The following SLC9B1 variants were observed in gnomAD, a reference collection of about 807,000 sequenced individuals.
SLC9B1 encodes the protein solute carrier family 9 member B1, also known as sodium/hydrogen exchanger 9B1.
Under a neutral mutation model 51.7 loss-of-function variants are expected in SLC9B1, and 32 were observed. That is an observed-to-expected ratio of 0.62 (90% confidence interval 0.47 to 0.83). The LOEUF is 0.83. Ranked by LOEUF, SLC9B1 falls within the 40% of genes least tolerant of loss-of-function variation. SLC9B1 has a pLI of 0.00. For synonymous variants in SLC9B1, 145 were observed against 212.7 expected (o/e 0.68, Z 2.77); for missense variants, 406 against 613.2 (o/e 0.66, Z 3.57).
intron 7 of SLC9B1, chr4:102,912,106 C>G (rs1354278139): frequency 5.9e-6 from 1 of 169,004 alleles, no homozygotes; most frequent in Admixed American, 6.4e-5. Context: ...ACACTCCAGC[C>G]TGGGTGAAAG....
At chr4:102,885,310 G>A in exon 12 of SLC9B1, 1 of 1,614,104 alleles carries the variant, frequency 6.2e-7, no homozygotes, top group Non-Finnish European at 8.5e-7. Flanking sequence ...AGAAACAACA[G>A]AAGGATAGCT....
At chr4:102,944,002 G>A (rs779433144) in intron 6 of SLC9B1, among the ~76,000 whole-genome samples, 8 of 152,086 alleles carry the variant, frequency 5.3e-5, no homozygotes, top group South Asian at 2.1e-4. Context: ...ATCAGACTGC[G>A]GACCAAGAAA....
At chr4:102,992,591 A>G (rs72937474) in intron 1 of SLC9B1, among the ~76,000 whole-genome samples, 1,695 of 152,334 alleles carry the variant, frequency 0.011, 22 homozygotes, top group African/African-American at 0.037. Context: ...GAAGTAAAAT[A>G]TTACTGCATA....
chr4:102,901,351 A>T lies in SLC9B1; in HGVS notation c.1333-19T>A, dbSNP rs1042721776. On this transcript the variant is annotated intron_variant, in intron 11 of 11. Coordinates refer to ENST00000296422, the MANE Select transcript of SLC9B1 (RefSeq NM_139173.4). ...ACACAGCCTGCATTTAGGGGTAAAA[A>T]TGGGGCATAAAGAAAAATATTAAAC... is the stretch of plus-strand genomic sequence containing the variant. 7 of 1,610,856 alleles carry T rather than the reference A, an allele frequency of 4.3e-6. No individual in the cohort carries two copies. Among genetic ancestry groups the T allele is most frequent in the Non-Finnish European group, 5.1e-6 (6 of 1,179,234 alleles).
At chr4:102,960,649 G>GT (rs1395845276) in intron 3 of SLC9B1, among the ~76,000 whole-genome samples, 1 of 151,906 alleles carries the variant, frequency 6.6e-6, no homozygotes, top group African/African-American at 2.4e-5. Flanking sequence ...CTATTGAGTG[G>GT]TAAGATATGA....
intron 1 of SLC9B1, among the ~76,000 whole-genome samples, chr4:103,013,503 A>C (rs1741180639): frequency 6.6e-6 from 1 of 152,118 alleles, no homozygotes; most frequent in South Asian, 2.1e-4. Context: ...CTCTATATAC[A>C]TTTCTCAACA....
At chr4:102,990,335 A>G (rs1425398569) in intron 2 of SLC9B1, among the ~76,000 whole-genome samples, 14 of 152,106 alleles carry the variant, frequency 9.2e-5, no homozygotes, top group Non-Finnish European at 1.8e-4. Flanking sequence ...ACTTGGATTC[A>G]TCTCATTTGA....
intron 3 of SLC9B1, among the ~76,000 whole-genome samples, chr4:102,976,522 C>G (rs1336039421): frequency 6.6e-6 from 1 of 152,094 alleles, no homozygotes; most frequent in African/African-American, 2.4e-5. Flanking sequence ...CTAATACCTG[C>G]TTTGAAGGAA....
At chr4:102,941,070 C>T (rs1444903680) in intron 6 of SLC9B1, among the ~76,000 whole-genome samples, 2 of 152,046 alleles carry the variant, frequency 1.3e-5, no homozygotes, top group Non-Finnish European at 2.9e-5. Context: ...CCATTCTGGA[C>T]ATATCCTAGG....
At chr4:103,014,476 T>C (rs1741222566) in intron 1 of SLC9B1, among the ~76,000 whole-genome samples, 1 of 152,232 alleles carries the variant, frequency 6.6e-6, no homozygotes, top group South Asian at 2.1e-4. Context: ...CTCCTCTGTA[T>C]ACAGAATGTG....
At chr4:102,921,189 C>G (rs1735856429) in intron 7 of SLC9B1, among the ~76,000 whole-genome samples, 1 of 152,148 alleles carries the variant, frequency 6.6e-6, no homozygotes, top group South Asian at 2.1e-4. Context: ...GAAAGGGAAG[C>G]CCATCAGACT....
At chr4:102,979,965 C>T (rs905620018) in intron 3 of SLC9B1, among the ~76,000 whole-genome samples, 11 of 152,072 alleles carry the variant, frequency 7.2e-5, no homozygotes, top group African/African-American at 1.7e-4. Context: ...CGAAAGAAGA[C>T]ATTTATGCAG....
At chr4:102,895,893 T>C (rs995322435) in intron 11 of SLC9B1, among the ~76,000 whole-genome samples, 40 of 152,332 alleles carry the variant, frequency 2.6e-4, no homozygotes, top group African/African-American at 8.4e-4. Flanking sequence ...CCTCTGTGTA[T>C]TGGTGCCTAG....
chr4:102,977,689 T>C (rs1371529692), intron 3 of SLC9B1, among the ~76,000 whole-genome samples: 1 of 152,240 alleles, frequency 6.6e-6, no homozygotes, highest in Non-Finnish European at 1.5e-5. Context: ...ATAATTCTTT[T>C]CAATGTGCCA....
chr4:102,986,610 T>A (rs552090499), intron 3 of SLC9B1, among the ~76,000 whole-genome samples: 1 of 152,232 alleles, frequency 6.6e-6, no homozygotes, highest in South Asian at 2.1e-4. Flanking sequence ...ATTTCATGTA[T>A]GTTACACCTT....
intron 3 of SLC9B1, among the ~76,000 whole-genome samples, chr4:102,955,812 C>A (rs1473236515): frequency 7.7e-6 from 1 of 130,120 alleles, no homozygotes; most frequent in Non-Finnish European, 1.7e-5. Context: ...GAGAGAGAAA[C>A]AACAAACAAA....
At chr4:102,936,513 A>C (rs1560938109) in intron 6 of SLC9B1, among the ~76,000 whole-genome samples, 1 of 152,270 alleles carries the variant, frequency 6.6e-6, no homozygotes, top group Admixed American at 6.5e-5. Context: ...GAATCCAATA[A>C]GATGACATAA....
rs557951667 is a variant in SLC9B1 at position 102,960,801 on chromosome 4, C to T, written c.212-11374G>A. ...AGGCTGGAGTGCAATGGCATGATCT[C>T]GGCTCACCACAACCTCCGCCTCCCG... On this transcript the variant is annotated intron_variant, in intron 3 of 11. Transcript: ENST00000296422. Among the ~76,000 whole-genome samples, 152 of 150,166 alleles carry T rather than the reference C, an allele frequency of 1.0e-3. 1 individual carries two copies. The highest frequency in any genetic ancestry group is 3.6e-3 in the African/African-American group (147 of 40,886).
At chr4:102,966,479 C>G (rs1391329110) in intron 3 of SLC9B1, among the ~76,000 whole-genome samples, 1 of 152,198 alleles carries the variant, frequency 6.6e-6, no homozygotes, top group Admixed American at 6.5e-5. Flanking sequence ...TGCGTGCCAC[C>G]AAGGTTTATG....
Sources: allele counts gnomAD v4.1 joint callset (sites outside exome capture counted in the v4.1 genomes callset), GRCh38; gene constraint gnomAD v4.1.1; transcripts MANE v1.5; gene names NCBI Gene and HGNC (gene_info 2026-07-23, HGNC 2026-07-21).